Variants in ADGRL2 observed in about 807,000 individuals in gnomAD.
The protein encoded by ADGRL2 is calcium-independent alpha-latrotoxin receptor 2.
A neutral mutation model predicts 157.4 loss-of-function variants in ADGRL2; 44 were observed. The observed-to-expected ratio is 0.28, with a 90% CI of 0.22 to 0.36. ADGRL2 has a LOEUF of 0.36. ADGRL2 is among the 10% of genes least tolerant of loss of function. The probability of loss-of-function intolerance (pLI) is 1.00; values close to 1 mark genes in which losing one functional copy is unlikely to be tolerated. For missense variants in ADGRL2, 1,510 were observed against 1,768.9 expected (o/e 0.85, Z 2.63); for synonymous variants, 585 against 624.7 (o/e 0.94, Z 0.95).
chr1:81,407,548 A>C (rs1431982808), intron 1 of ADGRL2, among the ~76,000 whole-genome samples: 1 of 152,260 alleles, frequency 6.6e-6, no homozygotes, highest in African/African-American at 2.4e-5. Context: ...CTGCTTTTCA[A>C]GGATTCTCTT....
intron 2 of ADGRL2, among the ~76,000 whole-genome samples, chr1:81,475,952 C>G (rs1223989466): frequency 6.6e-6 from 1 of 152,152 alleles, no homozygotes; most frequent in Admixed American, 6.5e-5. Flanking sequence ...ATTTCCATTT[C>G]TATGCCAGAA....
At chr1:81,716,415 G>A (rs2084118630) in intron 1 of ADGRL2, among the ~76,000 whole-genome samples, 3 of 152,020 alleles carry the variant, frequency 2.0e-5, no homozygotes, top group African/African-American at 4.8e-5. Flanking sequence ...TCTAGTACAG[G>A]GCCTGCACGA....
chr1:81,600,262 A>T (rs1306216539), intron 3 of ADGRL2, among the ~76,000 whole-genome samples: 1 of 152,248 alleles, frequency 6.6e-6, no homozygotes, highest in Non-Finnish European at 1.5e-5. Flanking sequence ...AAAGCCTTGA[A>T]TTGTAAACTA....
In ADGRL2 at chr1:81,985,336, C is replaced by T. The variant is rs139786723; in HGVS notation, c.3489C>T (p.Ser1163=). Residue 1163 remains serine, a synonymous_variant, in exon 21 of 24, where the codon AGC becomes AGT. Transcript: ENST00000686636. ...ESSFISGDIN[S]TSTLNQGMTG... ...CTTTTATCTCAGGTGACATCAATAG[C>T]ACTTCAACACTTAATCAAGGTCAGT... is the stretch of plus-strand genomic sequence containing the variant. 2.4e-5 allele frequency: 39 copies of T among 1,596,388 alleles called. No homozygotes were observed. In the African/African-American group the frequency reaches 4.4e-4, roughly 18 times the overall value.
At chr1:81,722,378 G>A in intron 1 of ADGRL2, 1 of 766,810 alleles carries the variant, frequency 1.3e-6, no homozygotes, top group South Asian at 1.3e-5. Context: ...CCTAAATGAT[G>A]GTGAACTGCA....
intron 1 of ADGRL2, among the ~76,000 whole-genome samples, chr1:81,384,350 T>C (rs1391442489): frequency 6.6e-6 from 1 of 152,108 alleles, no homozygotes; most frequent in African/African-American, 2.4e-5. Context: ...AAGGTGTGCA[T>C]TTGTGGGTGT....
At chr1:81,990,323 C>A in intron 23 of ADGRL2, 68 bp from the exon 24 acceptor site, 9 of 1,539,650 alleles carry the variant, frequency 5.8e-6, no homozygotes, top group African/African-American at 1.4e-5. Context: ...AAGTTTTGTA[C>A]AAAAGAAATA....
intron 1 of ADGRL2, among the ~76,000 whole-genome samples, chr1:81,321,308 T>C (rs1379881992): frequency 6.6e-6 from 1 of 152,208 alleles, no homozygotes; most frequent in Non-Finnish European, 1.5e-5. Context: ...TTTTGCTTTC[T>C]TACCATTCAT....
chr1:81,315,215 C>G (rs1048707483), intron 1 of ADGRL2, among the ~76,000 whole-genome samples: 2 of 151,732 alleles, frequency 1.3e-5, no homozygotes, highest in African/African-American at 4.8e-5. Context: ...GGTCACAATT[C>G]GATAAAAAAA....
At chr1:81,451,119 T>C (rs1356388496) in intron 2 of ADGRL2, among the ~76,000 whole-genome samples, 1 of 152,184 alleles carries the variant, frequency 6.6e-6, no homozygotes, top group Admixed American at 6.5e-5. Context: ...TAGCCCTCAC[T>C]GTCTGGAAGA....
intron 1 of ADGRL2, among the ~76,000 whole-genome samples, chr1:81,352,519 A>T (rs916429821): frequency 1.3e-5 from 2 of 152,154 alleles, no homozygotes; most frequent in African/African-American, 4.8e-5. Flanking sequence ...GGAGGATACT[A>T]GTTTAGGTAA....
intron 2 of ADGRL2, among the ~76,000 whole-genome samples, chr1:81,446,095 C>T (rs958766699): frequency 3.9e-5 from 6 of 152,074 alleles, no homozygotes; most frequent in Non-Finnish European, 7.4e-5. Flanking sequence ...TTTTAGCAGC[C>T]TCTCTCCTAT....
chr1:81,531,686 G>T (rs1048339123), intron 2 of ADGRL2, among the ~76,000 whole-genome samples: 3 of 152,082 alleles, frequency 2.0e-5, no homozygotes, highest in African/African-American at 7.2e-5. Flanking sequence ...GAGACAGGGA[G>T]ATGTTTGAGG....
At position 81,952,132 on chromosome 1, in the gene ADGRL2, G is replaced by C. The variant is rs754652149; in HGVS notation, c.1784G>C (p.Ser595Thr). ...AGTGAAAAAGATTCAGCTGGACGGA[G>C]TTATAACAAGGTAGAGAGAACTCTT... is the stretch of plus-strand genomic sequence containing the variant. ...KPSEKDSAGR[S>T]YNKLQKREKT... The change falls in exon 9 of 24, where the codon AGT becomes ACT. Residue 595 changes from serine (S) to threonine (T), a missense_variant. Ser to Thr is a moderately conservative substitution (Grantham distance 58). Around this residue, in one of 4 missense-constraint regions of ADGRL2, gnomAD observed 325 missense variants for 333.2 expected, o/e 0.98. Coordinates refer to ENST00000686636, the MANE Select transcript of ADGRL2 (RefSeq NM_001366006.2). 1 of 1,611,046 alleles carries C rather than the reference G, an allele frequency of 6.2e-7. No individual in the cohort carries two copies. Among genetic ancestry groups the C allele is most frequent in the African/African-American group, 1.3e-5 (1 of 74,790 alleles).
chr1:81,520,248 T>A (rs939860758), intron 2 of ADGRL2, among the ~76,000 whole-genome samples: 1 of 152,166 alleles, frequency 6.6e-6, no homozygotes, highest in African/African-American at 2.4e-5. Context: ...TGTTTTTTAA[T>A]AGAAGCAATA....
At chr1:81,859,360 C>T (rs2093316298) in intron 2 of ADGRL2, among the ~76,000 whole-genome samples, 2 of 147,290 alleles carry the variant, frequency 1.4e-5, no homozygotes, top group Admixed American at 6.8e-5. Flanking sequence ...TTTTGTTCTT[C>T]TATATTAGAA....
At chr1:81,812,336 A>G (rs1467480966) in intron 1 of ADGRL2, among the ~76,000 whole-genome samples, 1 of 151,752 alleles carries the variant, frequency 6.6e-6, no homozygotes, top group Non-Finnish European at 1.5e-5. Context: ...TAAAGAAAGT[A>G]AGGCATTTTG....
At chr1:81,700,565 A>G (rs2083545140) in intron 1 of ADGRL2, among the ~76,000 whole-genome samples, 1 of 152,238 alleles carries the variant, frequency 6.6e-6, no homozygotes, top group Non-Finnish European at 1.5e-5. Flanking sequence ...TTAAAGTTTG[A>G]TGAATTGTTT....
intron 1 of ADGRL2, among the ~76,000 whole-genome samples, chr1:81,394,990 C>A (rs1353275939): frequency 1.3e-5 from 2 of 152,026 alleles, no homozygotes; most frequent in African/African-American, 2.4e-5. Flanking sequence ...CATCCACCTC[C>A]CAGGTTCAAG....
Sources: gnomAD v4.1 joint callset for allele counts (sites outside exome capture counted in the v4.1 genomes callset) on GRCh38, gnomAD v4.1.1 for gene constraint, gnomAD v4.1.1 regional missense constraint, MANE v1.5 for transcripts, NCBI Gene and HGNC (gene_info 2026-07-23, HGNC 2026-07-21) for gene names.